The following RPH3A variants were observed in gnomAD, a reference collection of about 807,000 sequenced individuals.
RPH3A encodes the protein rabphilin-3A.
RPH3A carries 48 observed loss-of-function variants against 102.2 expected under a neutral mutation model. That is an observed-to-expected ratio of 0.47 (90% confidence interval 0.37 to 0.60). RPH3A has a LOEUF of 0.60. RPH3A is among the 20% of genes least tolerant of loss of function. The pLI is 0.00. For synonymous variants in RPH3A, 310 were observed against 324.3 expected (o/e 0.96, Z 0.47); for missense variants, 781 against 910.1 (o/e 0.86, Z 1.83).
chr12:112,611,771 A>C (rs1305795798), intron 1 of RPH3A, among the ~76,000 whole-genome samples: 1 of 151,950 alleles, frequency 6.6e-6, no homozygotes, highest in Non-Finnish European at 1.5e-5. Flanking sequence ...TTTTACTTCA[A>C]TATTTAATTC....
At position 112,865,398 on chromosome 12, in the gene RPH3A, T is replaced by C; in HGVS notation, c.231-16T>C. The C allele has an allele frequency of 1.2e-6, 2 of 1,613,110 alleles. No individual in the cohort carries two copies. Among genetic ancestry groups the C allele is most frequent in the Non-Finnish European group, 8.5e-7 (1 of 1,179,426 alleles). On this transcript the variant is annotated splice_polypyrimidine_tract_variant and intron_variant, in intron 5 of 21. Coordinates refer to ENST00000389385, the MANE Select transcript of RPH3A (RefSeq NM_001143854.2). ...CAGTCCTACAAGGTCCTTATTTACC[T>C]TGTCTCTGCTTCCAGACGCCTGGTG...
intron 1 of RPH3A, among the ~76,000 whole-genome samples, chr12:112,682,699 A>G (rs2040235884): frequency 6.6e-6 from 1 of 152,168 alleles, no homozygotes; most frequent in Non-Finnish European, 1.5e-5. Context: ...ACTTTGACCC[A>G]GAAGTGACAC....
At chr12:112,863,978 C>T (rs575085677) in intron 5 of RPH3A, among the ~76,000 whole-genome samples, 87 of 152,318 alleles carry the variant, frequency 5.7e-4, no homozygotes, top group Non-Finnish European at 1.1e-3. Flanking sequence ...AGGTGCCTGG[C>T]CCCGGGGAAC....
chr12:112,581,037 A>C (rs1425046816), intron 1 of RPH3A, among the ~76,000 whole-genome samples: 1 of 152,188 alleles, frequency 6.6e-6, no homozygotes, highest in Non-Finnish European at 1.5e-5. Context: ...GTGGTAATTA[A>C]ATTAGAAGGC....
chr12:112,608,175 G>C (rs1289872861), intron 1 of RPH3A, among the ~76,000 whole-genome samples: 1 of 151,128 alleles, frequency 6.6e-6, no homozygotes, highest in African/African-American at 2.4e-5. Flanking sequence ...GAGTGCAGTG[G>C]GGCGATCTTG....
At chr12:112,695,779 C>T (rs1008762430) in intron 1 of RPH3A, among the ~76,000 whole-genome samples, 21 of 152,228 alleles carry the variant, frequency 1.4e-4, no homozygotes, top group African/African-American at 4.1e-4. Context: ...GTACTTCTCA[C>T]GTGTTACATC....
At chr12:112,822,108 A>AT (rs1181052602) in intron 2 of RPH3A, among the ~76,000 whole-genome samples, 1 of 152,042 alleles carries the variant, frequency 6.6e-6, no homozygotes, top group South Asian at 2.1e-4. Context: ...AGTCAGAGTG[A>AT]TTTTTTCCAG....
chr12:112,607,038 G>C (rs568949047), intron 1 of RPH3A, among the ~76,000 whole-genome samples: 11 of 152,172 alleles, frequency 7.2e-5, no homozygotes, highest in Non-Finnish European at 1.0e-4. Flanking sequence ...GGGGGGATCA[G>C]ATAATACATA....
intron 8 of RPH3A, 147 bp downstream of exon 8, chr12:112,868,742 C>G (rs1191269326): frequency 5.2e-6 from 4 of 775,474 alleles, no homozygotes. Context: ...TCCTATATCT[C>G]CTTCAGAGTT....
intron 1 of RPH3A, among the ~76,000 whole-genome samples, chr12:112,667,607 G>A (rs1393101854): frequency 6.7e-6 from 1 of 148,412 alleles, no homozygotes. Flanking sequence ...GGACAGTGCA[G>A]GGACCCAGGG....
intron 18 of RPH3A, among the ~76,000 whole-genome samples, chr12:112,890,409 G>A (rs1424142939): frequency 3.9e-5 from 6 of 152,314 alleles, no homozygotes; most frequent in African/African-American, 1.4e-4. Flanking sequence ...TGTGTGCATG[G>A]CAGAAACTGA....
At chr12:112,894,123 T>A in intron 19 of RPH3A, 1 of 178,324 alleles carries the variant, frequency 5.6e-6, no homozygotes, top group Non-Finnish European at 1.2e-5. Flanking sequence ...TTCCCCTTTC[T>A]GTGCATACAC....
At chr12:112,822,873 C>T (rs1380233208) in intron 2 of RPH3A, among the ~76,000 whole-genome samples, 7 of 152,180 alleles carry the variant, frequency 4.6e-5, no homozygotes, top group Non-Finnish European at 8.8e-5. Flanking sequence ...TTTGAACTTT[C>T]AGTTGTTGTT....
chr12:112,654,730 C>T (rs768197178), intron 1 of RPH3A, among the ~76,000 whole-genome samples: 5 of 152,168 alleles, frequency 3.3e-5, no homozygotes, highest in South Asian at 2.1e-4. Context: ...TCAGTTGCAG[C>T]GGTAGGCTGG....
intron 1 of RPH3A, among the ~76,000 whole-genome samples, chr12:112,601,786 G>A (rs1028019653): frequency 2.0e-5 from 3 of 151,994 alleles, no homozygotes; most frequent in Non-Finnish European, 2.9e-5. Context: ...AAAAAAATTA[G>A]CCAGGTGTAG....
At chr12:112,818,646 C>A (rs1411570798) in intron 2 of RPH3A, among the ~76,000 whole-genome samples, 2 of 152,190 alleles carry the variant, frequency 1.3e-5, no homozygotes, top group Non-Finnish European at 2.9e-5. Context: ...GTGTAATACA[C>A]TGATGGGCCA....
At chr12:112,870,405 C>T (rs1031831521) in intron 10 of RPH3A, among the ~76,000 whole-genome samples, 3 of 151,904 alleles carry the variant, frequency 2.0e-5, no homozygotes, top group African/African-American at 2.4e-5. Context: ...CAAGTCTCCC[C>T]TTGGCAATGG....
chr12:112,721,639 ATT>A (rs61408179), intron 1 of RPH3A, among the ~76,000 whole-genome samples: 34 of 144,558 alleles, frequency 2.4e-4, no homozygotes, highest in Admixed American at 3.4e-4. Flanking sequence ...TAGAAAATGG[ATT>A]TTTTTTTTTT....
chr12:112,895,157 C>A (rs2043159023), intron 20 of RPH3A, among the ~76,000 whole-genome samples: 1 of 152,112 alleles, frequency 6.6e-6, no homozygotes. Context: ...GGCTGGAGTG[C>A]AGTGGCGTGA....
Sources: allele counts gnomAD v4.1 joint callset (sites outside exome capture counted in the v4.1 genomes callset), GRCh38; gene constraint gnomAD v4.1.1; transcripts MANE v1.5; gene names NCBI Gene and HGNC (gene_info 2026-07-23, HGNC 2026-07-21).